ARL6IP1: variants seen among roughly 807,000 people sequenced by gnomAD.
The protein encoded by ARL6IP1 is ADP-ribosylation factor-like protein 6-interacting protein 1.
ARL6IP1 carries 16 observed loss-of-function variants against 30.1 expected under a neutral mutation model. The observed-to-expected ratio is 0.53, with a 90% CI of 0.36 to 0.81. The LOEUF is 0.81. Ranked by LOEUF, ARL6IP1 falls within the 30% of genes least tolerant of loss-of-function variation. The pLI, the probability that ARL6IP1 is intolerant of heterozygous loss-of-function variation, is 0.01. For synonymous variants in ARL6IP1, 72 were observed against 84.8 expected, an observed-to-expected ratio of 0.85 and a Z score of 0.83; for missense variants, 173 against 242.7, an observed-to-expected ratio of 0.71 and a Z score of 1.91.
Position 18,800,473 on chromosome 16 carries a change from G to T in ARL6IP1, c.36+958C>A, listed in dbSNP as rs919488460. 2.0e-5 allele frequency among the ~76,000 whole-genome samples: 3 copies of T among 152,164 alleles called. No individual in the cohort carries two copies. In the East Asian group the frequency reaches 5.8e-4, roughly 29 times the overall value. ...AATTAATCCTCTTAAAAAGATCCAC[G>T]CTGAGAACTAACTATGCTAGAAGGA... On this transcript the variant is annotated intron_variant, in intron 1 of 5. Coordinates refer to ENST00000304414, the MANE Select transcript of ARL6IP1 (RefSeq NM_015161.3).
intron 2 of ARL6IP1, 135 bp downstream of exon 2, chr16:18,798,566 A>G: frequency 2.1e-6 from 2 of 974,062 alleles, no homozygotes; most frequent in Non-Finnish European, 2.8e-6. Context: ...AGTGCTTATG[A>G]GAAACATTCT....
chr16:18,799,077 T>A (rs2030328787), intron 1 of ARL6IP1, among the ~76,000 whole-genome samples: 1 of 152,042 alleles, frequency 6.6e-6, no homozygotes, highest in African/African-American at 2.4e-5. Flanking sequence ...TGGAGTGCAG[T>A]GGGGAGATCT....
intron 5 of ARL6IP1, 41 bp from the exon 6 acceptor site, chr16:18,793,411 T>A: frequency 8.5e-7 from 1 of 1,181,478 alleles, no homozygotes; most frequent in Non-Finnish European, 1.2e-6. Flanking sequence ...AGGCAGCAAT[T>A]AACCTGCTAA....
rs929597431 is a variant in ARL6IP1 at position 18,801,536 on chromosome 16, A to G, written c.-70T>C. 6.3e-7 allele frequency: 1 copy of G among 1,577,196 alleles called. No homozygotes were observed. Among genetic ancestry groups the G allele is most frequent in the African/African-American group, 1.3e-5 (1 of 74,536 alleles). ...CGAGTCCTCCAACCGAAACCCGCAC[A>G]CCAACCACAACCCGAGGGAACGCCC... On this transcript the variant is annotated 5_prime_UTR_variant, in exon 1 of 6. Coordinates refer to ENST00000304414, the MANE Select transcript of ARL6IP1 (RefSeq NM_015161.3).
rs1567290534 is a variant in ARL6IP1, at chr16:18,793,203, TC to T, written c.*48del. The T allele has an allele frequency of 7.9e-7, 1 of 1,265,622 alleles. No homozygotes were observed. The highest frequency in any genetic ancestry group is 1.1e-6 in the Non-Finnish European group (1 of 877,484). The allele number at this position is 1,265,622 out of a possible 1,614,324, so 78.4% of individuals were successfully genotyped here. A position where few individuals can be genotyped will look rare whatever the true frequency, so the allele number is the denominator to read the frequency against. Reference sequence around the variant, plus strand: ...ATCCAGATAGTACAGCAGAAACGGTTCCCGGGGCAATGGGTGCTGCATTAAT... The same window carrying T: ...ATCCAGATAGTACAGCAGAAACGGTTCCGGGGCAATGGGTGCTGCATTAAT... On this transcript the variant is annotated 3_prime_UTR_variant, in exon 6 of 6. Coordinates refer to ENST00000304414, the MANE Select transcript of ARL6IP1 (RefSeq NM_015161.3).
At chr16:18,795,607 A>G (rs762306988) in intron 3 of ARL6IP1, 26 bp from the exon 4 acceptor site, 7 of 1,558,216 alleles carry the variant, frequency 4.5e-6, no homozygotes, top group South Asian at 1.1e-5. Flanking sequence ...GCCTTTTGCT[A>G]TAAACAAATC....
At chr16:18,797,691 A>C in intron 3 of ARL6IP1, 1 of 382,162 alleles carries the variant, frequency 2.6e-6, no homozygotes, top group South Asian at 5.0e-5. Flanking sequence ...CCTAAATATC[A>C]ATGGAAATGT....
chr16:18,800,145 C>T (rs1040610538), intron 1 of ARL6IP1, among the ~76,000 whole-genome samples: 1 of 152,154 alleles, frequency 6.6e-6, no homozygotes, highest in African/African-American at 2.4e-5. Context: ...ATATTTCTGA[C>T]TTTATATTCC....
chr16:18,801,399 C>T lies in ARL6IP1; in HGVS notation c.36+32G>A, dbSNP rs202083990. ...CCCACGGACGTCTGGAGGCCTCGCT[C>T]GGCTCCCGGGGGACAGGCAGCCAGG... is the stretch of plus-strand genomic sequence containing the variant. On this transcript the variant is annotated intron_variant, in intron 1 of 5. Transcript: ENST00000304414. The T allele has an allele frequency of 1.5e-3, 2,362 of 1,611,262 alleles. 11 individuals are homozygous for T. Among genetic ancestry groups the T allele is most frequent in the Non-Finnish European group, 1.2e-3 (1,398 of 1,179,238 alleles).
In ARL6IP1 at chr16:18,801,309, G is replaced by A. The variant is rs1390940394; in HGVS notation, c.36+122C>T. ...AGAAGCCCGAGGGCCAGGCATCGTC[G>A]CCTGCCCAGGGAGAGAAGGGCCGGG... On this transcript the variant is annotated intron_variant, in intron 1 of 5. Coordinates refer to ENST00000304414, the MANE Select transcript of ARL6IP1 (RefSeq NM_015161.3). The A allele has an allele frequency of 3.3e-6, 5 of 1,518,756 alleles. No homozygotes were observed. The African/African-American group carries it at 7.0e-5, about 21-fold the overall frequency. The allele number at this position is 1,518,756 out of a possible 1,614,324, so 94.1% of individuals were successfully genotyped here. A position where few individuals can be genotyped will look rare whatever the true frequency, so the allele number is the denominator to read the frequency against.
At chr16:18,797,422 G>A (rs1301688173) in intron 3 of ARL6IP1, among the ~76,000 whole-genome samples, 2 of 150,402 alleles carry the variant, frequency 1.3e-5, no homozygotes, top group Non-Finnish European at 3.0e-5. Context: ...AATAAAATCA[G>A]CAACCCATGT....
At chr16:18,793,991 G>T (rs572731501) in intron 5 of ARL6IP1, among the ~76,000 whole-genome samples, 4 of 152,058 alleles carry the variant, frequency 2.6e-5, no homozygotes, top group Non-Finnish European at 1.5e-5. Flanking sequence ...TGGTGGGTGG[G>T]GGGGGTGGTG....
chr16:18,798,874 C>G (rs2030322766), intron 1 of ARL6IP1, 40 bp from the exon 2 acceptor site: 18 of 1,578,698 alleles, frequency 1.1e-5, no homozygotes, highest in Non-Finnish European at 1.6e-5. Flanking sequence ...TTTTACCACT[C>G]TCAACATTTT....
At chr16:18,794,104 A>G (rs952435862) in intron 5 of ARL6IP1, among the ~76,000 whole-genome samples, 2 of 152,064 alleles carry the variant, frequency 1.3e-5, no homozygotes, top group Non-Finnish European at 2.9e-5. Context: ...GGTGTGTACC[A>G]CCACATCCAA....
intron 1 of ARL6IP1, among the ~76,000 whole-genome samples, chr16:18,799,543 A>G (rs113957322): frequency 5.9e-5 from 9 of 152,310 alleles, no homozygotes; most frequent in African/African-American, 2.2e-4. Context: ...TTTATTTCAG[A>G]TGGTTAGAAT....
intron 4 of ARL6IP1, among the ~76,000 whole-genome samples, chr16:18,794,965 G>A (rs1041326251): frequency 3.3e-5 from 5 of 151,458 alleles, no homozygotes; most frequent in Admixed American, 3.3e-4. Context: ...TCACGGAACA[G>A]CCTCACGACG....
Position 18,801,428 on chromosome 16 carries a change from CACCAGCAGGTTGGT to C in ARL6IP1, c.25_36+2del. 6.2e-7 allele frequency: 1 copy of C among 1,612,928 alleles called. No homozygotes were observed. The highest frequency in any genetic ancestry group is 8.5e-7 in the Non-Finnish European group (1 of 1,179,730). On this transcript the variant is annotated splice_donor_variant and coding_sequence_variant, in exon 1 of 6. Transcript: ENST00000304414. LOFTEE classifies it high-confidence loss of function. ...TCCCGGGGGACAGGCAGCCAGGACT[CACCAGCAGGTTGGT>C]GCTGCGATTATCTCCCTCCGCCATC...
At position 18,793,124 on chromosome 16, in the gene ARL6IP1, T is replaced by C. The variant is rs1199730841; in HGVS notation, c.*128A>G. ...CTTACTTGGCGAGTCTGAATTTCTATTAACTAAGGGCAGAGTGAGGGAGAA... is the reference window on the plus strand; with the variant it reads ...CTTACTTGGCGAGTCTGAATTTCTACTAACTAAGGGCAGAGTGAGGGAGAA... On this transcript the variant is annotated 3_prime_UTR_variant, in exon 6 of 6. Transcript: ENST00000304414. 8 of 623,818 alleles carry C rather than the reference T, an allele frequency of 1.3e-5. No homozygotes were observed. Among genetic ancestry groups the C allele is most frequent in the Non-Finnish European group, 1.9e-5 (7 of 361,610 alleles). The allele number at this position is 623,818 out of a possible 1,614,324, so 38.6% of individuals were successfully genotyped here. A position where few individuals can be genotyped will look rare whatever the true frequency, so the allele number is the denominator to read the frequency against.
intron 1 of ARL6IP1, chr16:18,801,218 G>T: frequency 7.1e-7 from 1 of 1,409,174 alleles, no homozygotes; most frequent in South Asian, 1.5e-5. Context: ...TGAATCACGC[G>T]CCCTCCTCGC....
Sources: allele counts gnomAD v4.1 joint callset (sites outside exome capture counted in the v4.1 genomes callset), GRCh38; gene constraint gnomAD v4.1.1; transcripts MANE v1.5; gene names NCBI Gene and HGNC (gene_info 2026-07-23, HGNC 2026-07-21).